NAA11: variants seen among roughly 807,000 people sequenced by gnomAD.
The protein encoded by NAA11 is N-alpha-acetyltransferase 11.
In NAA11, 15 loss-of-function variants were observed where a neutral mutation model predicts 16.1. The ratio of observed to expected loss-of-function variants is 0.93; its 90% CI spans 0.62 to 1.44. The LOEUF is 1.44. Ranked by LOEUF, NAA11 falls within the 40% of genes most tolerant of loss-of-function variation. The pLI is 0.00. For synonymous variants in NAA11, 122 were observed against 112.4 expected (o/e 1.09, Z -0.54); for missense variants, 298 against 291.3 (o/e 1.02, Z -0.17).
the NAA11 span, among the ~76,000 whole-genome samples, chr4:79,188,106 A>T: frequency 6.6e-6 from 1 of 152,098 alleles, no homozygotes; most frequent in East Asian, 1.9e-4. Flanking sequence ...TTCGATTGTA[A>T]CAAATTTTCT....
At chr4:79,257,176 T>C (rs1415688820) in intron 2 of NAA11, among the ~76,000 whole-genome samples, 1 of 152,212 alleles carries the variant, frequency 6.6e-6, no homozygotes, top group Non-Finnish European at 1.5e-5. Flanking sequence ...AGTTGTACTA[T>C]TATTACATTG....
the NAA11 span, among the ~76,000 whole-genome samples, chr4:79,191,734 T>G: frequency 6.6e-6 from 1 of 152,240 alleles, no homozygotes. Flanking sequence ...GCTTTTGCAG[T>G]CTTTGTTATG....
chr4:79,207,472 G>C, the NAA11 span, among the ~76,000 whole-genome samples: 1 of 150,364 alleles, frequency 6.7e-6, no homozygotes, highest in Non-Finnish European at 1.5e-5. Context: ...ATGCACACAA[G>C]AGGCCCCATG....
At chr4:79,197,020 G>A in the NAA11 span, among the ~76,000 whole-genome samples, 44 of 148,138 alleles carry the variant, frequency 3.0e-4, no homozygotes, top group African/African-American at 1.0e-3. Context: ...CTGTCCCAGA[G>A]CCTCCAAAAG....
the NAA11 span, among the ~76,000 whole-genome samples, chr4:79,188,218 GC>G: frequency 6.6e-6 from 1 of 152,042 alleles, no homozygotes; most frequent in African/African-American, 2.4e-5. Flanking sequence ...ACAGCAAGCT[GC>G]AAGTAAAACG....
rs753104888 is a variant in NAA11, at chr4:79,325,898, C to T, written c.-21G>A. 5.7e-6 allele frequency: 9 copies of T among 1,586,476 alleles called. No homozygotes were observed. The East Asian group carries it at 1.6e-4, about 28-fold the overall frequency. Reference sequence around the variant, plus strand: ...TTCATAATGGCAGAGGGTAGGGAACCGGTTGGACTGCAGTGAACCCAGAAG... The same window carrying T: ...TTCATAATGGCAGAGGGTAGGGAACTGGTTGGACTGCAGTGAACCCAGAAG... On this transcript the variant is annotated 5_prime_UTR_variant, in exon 1 of 2. Coordinates refer to ENST00000286794, the MANE Select transcript of NAA11 (RefSeq NM_032693.3).
chr4:79,263,302 G>A (rs1722278202), intron 2 of NAA11, among the ~76,000 whole-genome samples: 1 of 152,170 alleles, frequency 6.6e-6, no homozygotes, highest in Non-Finnish European at 1.5e-5. Flanking sequence ...GTGGAAGGAT[G>A]AGTGTGGATG....
intron 2 of NAA11, among the ~76,000 whole-genome samples, chr4:79,237,874 G>C (rs7695330): frequency 6.6e-6 from 1 of 152,046 alleles, no homozygotes; most frequent in Non-Finnish European, 1.5e-5. Flanking sequence ...CCCTGTTTCC[G>C]TAGATCTGCA....
chr4:79,216,239 A>C, the NAA11 span, among the ~76,000 whole-genome samples: 12 of 152,244 alleles, frequency 7.9e-5, 1 homozygote, highest in African/African-American at 2.4e-4. Flanking sequence ...AAATAAAACC[A>C]TCCAGAGTCC....
chr4:79,292,216 G>A (rs1341985574), intron 2 of NAA11, among the ~76,000 whole-genome samples: 1 of 152,098 alleles, frequency 6.6e-6, no homozygotes, highest in Non-Finnish European at 1.5e-5. Flanking sequence ...TCTTCTTATT[G>A]CAGAATCTCA....
the NAA11 span, among the ~76,000 whole-genome samples, chr4:79,192,555 A>T: frequency 2.6e-5 from 4 of 151,930 alleles, no homozygotes; most frequent in Admixed American, 6.6e-5. Flanking sequence ...AAAGGACATG[A>T]ACTCATCCTT....
intron 2 of NAA11, among the ~76,000 whole-genome samples, chr4:79,231,575 C>A (rs1721468114): frequency 6.6e-6 from 1 of 151,732 alleles, no homozygotes; most frequent in Non-Finnish European, 1.5e-5. Context: ...TTATATGAAT[C>A]CCTAAAAGGA....
intron 2 of NAA11, among the ~76,000 whole-genome samples, chr4:79,231,891 T>C (rs937859422): frequency 6.7e-4 from 102 of 151,676 alleles, no homozygotes; most frequent in Non-Finnish European, 2.4e-4. Flanking sequence ...TTCATATATA[T>C]ATATGCATAC....
intron 2 of NAA11, among the ~76,000 whole-genome samples, chr4:79,265,136 C>T (rs903132847): frequency 6.6e-6 from 1 of 152,164 alleles, no homozygotes; most frequent in African/African-American, 2.4e-5. Context: ...TCATGCCTCT[C>T]ATTTTCTTAA....
Position 79,236,740 on chromosome 4 carries a change from A to G in NAA11, c.*123-10470T>C, listed in dbSNP as rs139656887. 3.7e-3 allele frequency among the ~76,000 whole-genome samples: 568 copies of G among 152,320 alleles called. 7 individuals are homozygous for G. The highest frequency in any genetic ancestry group is 5.6e-3 in the Non-Finnish European group (382 of 68,018). ...ACGTGTCATTCTTGACATTAGGGAC[A>G]GAGAATTAATACAGCAAAATTATAA... is the stretch of plus-strand genomic sequence containing the variant. On this transcript the variant is annotated intron_variant and NMD_transcript_variant, in intron 2 of 2. Transcript: ENST00000511542.
chr4:79,253,763 A>C (rs1042302611), intron 2 of NAA11, among the ~76,000 whole-genome samples: 3 of 152,146 alleles, frequency 2.0e-5, no homozygotes, highest in Non-Finnish European at 4.4e-5. Flanking sequence ...AAGTTTTATT[A>C]TTTTTTTAAA....
chr4:79,241,330 C>T (rs1578157460), intron 2 of NAA11, among the ~76,000 whole-genome samples: 1 of 152,148 alleles, frequency 6.6e-6, no homozygotes, highest in Non-Finnish European at 1.5e-5. Context: ...ATATACGTTA[C>T]ATAACTGTTA....
At chr4:79,228,343 T>C (rs1438974944) in intron 2 of NAA11, among the ~76,000 whole-genome samples, 1 of 152,210 alleles carries the variant, frequency 6.6e-6, no homozygotes, top group African/African-American at 2.4e-5. Flanking sequence ...GAAATTATTT[T>C]ATTATGATAT....
At chr4:79,264,281 G>A (rs1261918629) in intron 2 of NAA11, among the ~76,000 whole-genome samples, 7 of 152,132 alleles carry the variant, frequency 4.6e-5, no homozygotes, top group Non-Finnish European at 8.8e-5. Flanking sequence ...TAAACTACAG[G>A]TTCTATTCCT....
Sources: gnomAD v4.1 joint callset for allele counts (sites outside exome capture counted in the v4.1 genomes callset) on GRCh38, gnomAD v4.1.1 for gene constraint, MANE v1.5 for transcripts, NCBI Gene and HGNC (gene_info 2026-07-23, HGNC 2026-07-21) for gene names.